TUBA1C: variants seen among roughly 807,000 people sequenced by gnomAD.
The protein encoded by TUBA1C is tubulin alpha-1C chain.
TUBA1C carries 16 observed loss-of-function variants against 34.9 expected under a neutral mutation model. The ratio of observed to expected loss-of-function variants is 0.46; its 90% CI spans 0.31 to 0.70. The LOEUF (loss-of-function observed/expected upper bound fraction) is 0.70. Among genes scored for constraint, TUBA1C ranks in the 30% least tolerant of loss-of-function variants. The pLI, the probability that TUBA1C is intolerant of heterozygous loss-of-function variation, is 0.05. For synonymous variants in TUBA1C, 177 were observed against 215.9 expected (o/e 0.82, Z 1.58); for missense variants, 329 against 587.3 (o/e 0.56, Z 4.55).
intron 1 of TUBA1C, among the ~76,000 whole-genome samples, chr12:49,240,833 C>T (rs568689869): frequency 1.3e-5 from 2 of 152,136 alleles, no homozygotes; most frequent in South Asian, 2.1e-4. Flanking sequence ...TGGGTTCAAG[C>T]GGTTCTCCCA....
intron 1 of TUBA1C, among the ~76,000 whole-genome samples, chr12:49,229,861 T>G (rs572138256): frequency 6.6e-6 from 1 of 152,068 alleles, no homozygotes; most frequent in Non-Finnish European, 1.5e-5. Context: ...AGTATAGGCT[T>G]ACTACAACCT....
At chr12:49,271,392 C>T (rs1314834664) in intron 3 of TUBA1C, among the ~76,000 whole-genome samples, 1 of 152,190 alleles carries the variant, frequency 6.6e-6, no homozygotes, top group East Asian at 1.9e-4. Flanking sequence ...TCCCCAACAA[C>T]CTGAGGTCTC....
chr12:49,233,303 C>G (rs1942516224), intron 1 of TUBA1C: 2 of 152,268 alleles, frequency 1.3e-5, no homozygotes, highest in South Asian at 4.1e-4. Context: ...GGAGAAGGTT[C>G]CCCTCCTTTA....
chr12:49,243,449 AAAAG>A (rs1942638084), intron 1 of TUBA1C, among the ~76,000 whole-genome samples: 1 of 152,048 alleles, frequency 6.6e-6, no homozygotes, highest in Non-Finnish European at 1.5e-5. Context: ...TCCAGAAAAA[AAAAG>A]AAATCAGGTG....
At chr12:49,229,696 T>C (rs914613974) in intron 1 of TUBA1C, among the ~76,000 whole-genome samples, 4 of 151,724 alleles carry the variant, frequency 2.6e-5, no homozygotes, top group African/African-American at 9.7e-5. Flanking sequence ...TGTGTGTGTG[T>C]GCACATCACA....
At chr12:49,243,312 G>A (rs1282978687) in intron 1 of TUBA1C, among the ~76,000 whole-genome samples, 5 of 152,136 alleles carry the variant, frequency 3.3e-5, no homozygotes, top group East Asian at 3.9e-4. Flanking sequence ...CTGGTGGCGC[G>A]CGCCTGGAGT....
upstream of TUBA1C, among the ~76,000 whole-genome samples, chr12:49,261,661 T>C (rs1942841690): frequency 1.3e-5 from 2 of 152,344 alleles, no homozygotes; most frequent in South Asian, 4.1e-4. Context: ...TTGTATCATG[T>C]AATTTGTAAC....
exon 1 of TUBA1C, chr12:49,228,129 C>G: frequency 6.5e-7 from 1 of 1,535,688 alleles, no homozygotes; most frequent in Non-Finnish European, 8.7e-7. Flanking sequence ...ACATGCACAT[C>G]CAGCAAAAGC....
chr12:49,237,562 G>A (rs2136990214), intron 1 of TUBA1C, among the ~76,000 whole-genome samples: 1 of 152,032 alleles, frequency 6.6e-6, no homozygotes, highest in Non-Finnish European at 1.5e-5. Context: ...GGGCAACACA[G>A]TGAGACCCCT....
At chr12:49,255,406 AT>A (rs368403464) in intron 1 of TUBA1C, among the ~76,000 whole-genome samples, 78 of 91,006 alleles carry the variant, frequency 8.6e-4, no homozygotes, top group African/African-American at 1.8e-3. Context: ...TCTTTAAAAA[AT>A]ATATATATAT....
rs758451493 is a variant in TUBA1C at position 49,274,206 on chromosome 12, G to C, written c.*979G>C. ...ATAGCTCACCCCCACCTTGACCTGGGCTAAGCCATCCTCCCACCTCAGCCT... is the reference window on the plus strand; with the variant it reads ...ATAGCTCACCCCCACCTTGACCTGGCCTAAGCCATCCTCCCACCTCAGCCT... On this transcript the variant is annotated 3_prime_UTR_variant, in exon 4 of 4. Transcript: ENST00000301072. The C allele has an allele frequency of 6.6e-6, 1 of 151,344 alleles. No homozygotes were observed. Among genetic ancestry groups the C allele is most frequent in the East Asian group, 1.9e-4 (1 of 5,152 alleles). The allele number at this position is 151,344 out of a possible 1,614,324, so 9.4% of individuals were successfully genotyped here.
chr12:49,230,882 G>T (rs555022571), intron 1 of TUBA1C, among the ~76,000 whole-genome samples: 1 of 152,278 alleles, frequency 6.6e-6, no homozygotes. Flanking sequence ...TGTGACTTGG[G>T]TAATGTTTTG....
intron 1 of TUBA1C, among the ~76,000 whole-genome samples, chr12:49,239,455 A>G (rs1942589609): frequency 6.6e-6 from 1 of 152,098 alleles, no homozygotes; most frequent in Admixed American, 6.6e-5. Flanking sequence ...AGCCTGGCCA[A>G]CATGGTGAAA....
At chr12:49,247,321 C>A (rs1421977654) in intron 1 of TUBA1C, among the ~76,000 whole-genome samples, 1 of 151,860 alleles carries the variant, frequency 6.6e-6, no homozygotes, top group Non-Finnish European at 1.5e-5. Flanking sequence ...CTTTGGGAGG[C>A]TGAGGTGGGT....
upstream of TUBA1C, among the ~76,000 whole-genome samples, chr12:49,261,187 G>A (rs1014783812): frequency 1.3e-5 from 2 of 151,318 alleles, no homozygotes; most frequent in Non-Finnish European, 1.5e-5. Flanking sequence ...CCAAGATAGC[G>A]CCATTGCACT....
At chr12:49,262,511 G>GGC (rs1161411596), upstream of TUBA1C, among the ~76,000 whole-genome samples, 2 of 150,332 alleles carry the variant, frequency 1.3e-5, no homozygotes, top group East Asian at 2.0e-4. Flanking sequence ...TGGGCAAACT[G>GGC]GCTCATGCCT....
intron 1 of TUBA1C, among the ~76,000 whole-genome samples, chr12:49,242,287 G>A (rs549141043): frequency 1.3e-5 from 2 of 152,128 alleles, no homozygotes; most frequent in South Asian, 2.1e-4. Flanking sequence ...CACTGCACCC[G>A]GCCAAAAGTT....
rs1039278025 is a variant in TUBA1C at position 49,259,682 on chromosome 12, T to C, written c.214-9783T>C. Among the ~76,000 whole-genome samples the C allele has an allele frequency of 9.2e-5, 14 of 152,156 alleles. No individual in the cohort carries two copies. In the East Asian group the frequency reaches 2.5e-3, roughly 27 times the overall value. On this transcript the variant is annotated intron_variant, in intron 1 of 3. Transcript: ENST00000541364. ...CCTAGGATGCATTTCTTAGAACAGA[T>C]CTTGGTTGTTAAGTGACACATGGCT... is the stretch of plus-strand genomic sequence containing the variant.
intron 1 of TUBA1C, among the ~76,000 whole-genome samples, chr12:49,254,050 G>T (rs1048054147): frequency 6.6e-6 from 1 of 152,144 alleles, no homozygotes; most frequent in Non-Finnish European, 1.5e-5. Flanking sequence ...GGTGACTTAC[G>T]CCTGTAATCC....
Sources: gnomAD v4.1 joint callset for allele counts (sites outside exome capture counted in the v4.1 genomes callset) on GRCh38, gnomAD v4.1.1 for gene constraint, MANE v1.5 for transcripts, NCBI Gene and HGNC (gene_info 2026-07-23, HGNC 2026-07-21) for gene names.